CNTRL: variants seen among roughly 807,000 people sequenced by gnomAD.
The protein encoded by CNTRL is centriolin, also known as 110 kDa centrosomal protein.
Under a neutral mutation model 303.7 loss-of-function variants are expected in CNTRL, and 233 were observed. The observed-to-expected ratio is 0.77, with a 90% CI of 0.69 to 0.86. The LOEUF is 0.86. Among genes scored for constraint, CNTRL ranks in the 40% least tolerant of loss-of-function variants. The probability of loss-of-function intolerance (pLI) is 0.00; values close to 1 mark genes in which losing one functional copy is unlikely to be tolerated. For missense variants in CNTRL, 2,524 were observed against 2,650.6 expected (o/e 0.95, Z 1.05); for synonymous variants, 900 against 922.2 (o/e 0.98, Z 0.44).
In CNTRL at chr9:121,167,684, C is replaced by T; in HGVS notation, c.5844+7C>T. On this transcript the variant is annotated splice_region_variant and intron_variant, in intron 37 of 43. Transcript: ENST00000373855. ...ACTAGTCCAACAAGAAATGGTACTA[C>T]ACATTTATGATTTTACATAAAAAAA... is the stretch of plus-strand genomic sequence containing the variant. 4 of 1,606,540 alleles carry T rather than the reference C, an allele frequency of 2.5e-6. No homozygotes were observed. Among genetic ancestry groups the T allele is most frequent in the Non-Finnish European group, 3.4e-6 (4 of 1,176,326 alleles).
chr9:121,160,453 A>G (rs367688897), intron 32 of CNTRL, 151 bp downstream of exon 32: 2 of 312,796 alleles, frequency 6.4e-6, no homozygotes, highest in Non-Finnish European at 1.1e-5. Flanking sequence ...GGAATATGAT[A>G]TTTTCTGCCA....
At chr9:121,156,767 G>T (rs2052593061) in intron 27 of CNTRL, among the ~76,000 whole-genome samples, 1 of 147,434 alleles carries the variant, frequency 6.8e-6, no homozygotes, top group African/African-American at 2.5e-5. Flanking sequence ...TAAAACAAAT[G>T]TGTTTTTACC....
At chr9:121,133,616 G>T (rs1430294265) in intron 14 of CNTRL, among the ~76,000 whole-genome samples, 2 of 152,200 alleles carry the variant, frequency 1.3e-5, no homozygotes, top group Non-Finnish European at 2.9e-5. Context: ...CCTGGGTGAG[G>T]CGATGCCCTG....
intron 23 of CNTRL, among the ~76,000 whole-genome samples, chr9:121,146,474 G>A (rs2051863222): frequency 6.6e-6 from 1 of 152,206 alleles, no homozygotes; most frequent in African/African-American, 2.4e-5. Context: ...ATGTGTTAGG[G>A]TCCTTGAATG....
At position 121,168,894 on chromosome 9, in the gene CNTRL, G is replaced by A. The variant is rs147460389; in HGVS notation, c.6070+573G>A. Among the ~76,000 whole-genome samples the A allele has an allele frequency of 5.3e-5, 8 of 152,166 alleles. No individual in the cohort carries two copies. The East Asian group carries it at 1.5e-3, about 29-fold the overall frequency. On this transcript the variant is annotated intron_variant, in intron 38 of 43. Coordinates refer to ENST00000373855, the MANE Select transcript of CNTRL (RefSeq NM_007018.6). The stretch of plus-strand genomic sequence containing the variant: ...TGTTGTGGGCTTGGGGATCTGAAAG[G>A]GTTGTTATTCCTTTTTCCCTGGGAA...
intron 7 of CNTRL, among the ~76,000 whole-genome samples, chr9:121,105,995 A>T (rs2049449205): frequency 6.6e-6 from 1 of 152,194 alleles, no homozygotes; most frequent in South Asian, 2.1e-4. Context: ...CAACAAATGC[A>T]GTAAACTTCA....
At chr9:121,111,811 A>C (rs1361747796) in intron 8 of CNTRL, among the ~76,000 whole-genome samples, 1 of 150,302 alleles carries the variant, frequency 6.7e-6, no homozygotes. Flanking sequence ...TGTCTTCTCC[A>C]AGCTCCAAAA....
intron 7 of CNTRL, among the ~76,000 whole-genome samples, chr9:121,106,822 T>A (rs2049499854): frequency 6.6e-6 from 1 of 152,154 alleles, no homozygotes; most frequent in African/African-American, 2.4e-5. Flanking sequence ...CTGAAGTTTA[T>A]GTTTTGGAAT....
chr9:121,088,210 A>C, intron 2 of CNTRL, 86 bp from the exon 3 acceptor site: 1 of 676,266 alleles, frequency 1.5e-6, no homozygotes, highest in South Asian at 1.9e-5. Context: ...TGAGTTTATA[A>C]CTTTATAGAC....
Position 121,088,379 on chromosome 9 carries a change from C to T in CNTRL, c.53C>T (p.Ser18Leu). 1 of 1,613,726 alleles carries T rather than the reference C, an allele frequency of 6.2e-7. No homozygotes were observed. Among genetic ancestry groups the T allele is most frequent in the East Asian group, 2.2e-5 (1 of 44,858 alleles). Residue 18 changes from serine to leucine, a missense_variant, in exon 3 of 44, where the codon TCA becomes TTA. By Grantham distance (145) the Ser-to-Leu change is moderately radical. Coordinates refer to ENST00000373855, the MANE Select transcript of CNTRL (RefSeq NM_007018.6). ...TTCTCCAAAGCAAAGATACCATCAT[C>T]ATCTCACTCTCCTATCCCATCATCT... ...KIFSKAKIPS[S>L]SHSPIPSSMS... is the part of the protein sequence containing the mutation.
intron 40 of CNTRL, 103 bp downstream of exon 40, chr9:121,171,651 A>G: frequency 7.7e-6 from 9 of 1,171,872 alleles, no homozygotes; most frequent in African/African-American, 1.5e-5. Context: ...TAGTATAGAA[A>G]AGCTGATTAT....
intron 9 of CNTRL, among the ~76,000 whole-genome samples, chr9:121,113,041 A>T (rs1354854849): frequency 6.6e-6 from 1 of 152,244 alleles, no homozygotes; most frequent in African/African-American, 2.4e-5. Context: ...AGACCCAGTG[A>T]TTCCAACCAA....
chr9:121,085,278 G>A (rs1423105557), intron 2 of CNTRL, among the ~76,000 whole-genome samples: 3 of 152,202 alleles, frequency 2.0e-5, no homozygotes, highest in Non-Finnish European at 4.4e-5. Flanking sequence ...GGCATGAGAC[G>A]ACTTCTGGGA....
chr9:121,171,381 A>G, intron 39 of CNTRL, 27 bp from the exon 40 acceptor site: 1 of 1,613,370 alleles, frequency 6.2e-7, no homozygotes, highest in Non-Finnish European at 8.5e-7. Flanking sequence ...GTTAGATCGC[A>G]GAGTTATTTT....
At chr9:121,086,702 G>A (rs577796607) in intron 2 of CNTRL, among the ~76,000 whole-genome samples, 14 of 149,310 alleles carry the variant, frequency 9.4e-5, no homozygotes, top group South Asian at 4.3e-4. Context: ...CTGCAGTGGC[G>A]CGATCTAGGC....
chr9:121,152,817 A>G, intron 26 of CNTRL, 124 bp downstream of exon 26: 1 of 731,592 alleles, frequency 1.4e-6, no homozygotes, highest in South Asian at 2.0e-5. Context: ...CCACTAGCTC[A>G]GTGTGGCTGT....
intron 1 of CNTRL, among the ~76,000 whole-genome samples, chr9:121,076,151 A>G (rs547166931): frequency 2.6e-5 from 4 of 152,378 alleles, no homozygotes; most frequent in African/African-American, 9.6e-5. Flanking sequence ...AGTTTCACAA[A>G]TAATGGTTAT....
rs756713636 is a variant in CNTRL at position 121,161,833 on chromosome 9, C to G, written c.5090-23C>G. 3.3e-6 allele frequency: 5 copies of G among 1,508,416 alleles called. No individual in the cohort carries two copies. In the African/African-American group the frequency reaches 5.5e-5, roughly 17 times the overall value. The allele number at this position is 1,508,416 out of a possible 1,614,324, so 93.4% of individuals were successfully genotyped here. On this transcript the variant is annotated intron_variant, in intron 32 of 43. Transcript: ENST00000373855. ...TCCAAGTTCATTTAATATCATGGACCATGCTTTGTTTCTATCCCTTAGAAC... is the reference window on the plus strand; with the variant it reads ...TCCAAGTTCATTTAATATCATGGACGATGCTTTGTTTCTATCCCTTAGAAC...
chr9:121,152,592 A>T lies in CNTRL; in HGVS notation c.4071A>T (p.Glu1357Asp). 1 of 1,614,052 alleles carries T rather than the reference A, an allele frequency of 6.2e-7. No homozygotes were observed. Among genetic ancestry groups the T allele is most frequent in the Non-Finnish European group, 8.5e-7 (1 of 1,179,884 alleles). The change falls in exon 26 of 44, where the codon GAA becomes GAT. Residue 1357 changes from glutamate to aspartate, a missense_variant. Transcript: ENST00000373855. ...ASKRQSEKEM[E>D]ELHHNIDDLL... ...AGCGGCAGTCGGAGAAAGAAATGGA[A>T]GAACTGCATCATAATATTGATGATC... is the stretch of plus-strand genomic sequence containing the variant.
Sources: gnomAD v4.1 joint callset for allele counts (sites outside exome capture counted in the v4.1 genomes callset) on GRCh38, gnomAD v4.1.1 for gene constraint, MANE v1.5 for transcripts, NCBI Gene and HGNC (gene_info 2026-07-23, HGNC 2026-07-21) for gene names.